The following DCLK1 variants were observed in gnomAD, a reference collection of about 807,000 sequenced individuals.
The protein encoded by DCLK1 is serine/threonine-protein kinase DCLK1.
In DCLK1, 16 loss-of-function variants were observed where a neutral mutation model predicts 86.2. The ratio of observed to expected loss-of-function variants is 0.19; its 90% CI spans 0.13 to 0.28. The LOEUF (loss-of-function observed/expected upper bound fraction) is 0.28. DCLK1 is among the 10% of genes least tolerant of loss of function. The probability of loss-of-function intolerance (pLI) is 1.00; values close to 1 mark genes in which losing one functional copy is unlikely to be tolerated. For missense variants in DCLK1, 590 were observed against 940.2 expected, an observed-to-expected ratio of 0.63 and a Z score of 4.87; for synonymous variants, 369 against 370.5, an observed-to-expected ratio of 1.00 and a Z score of 0.05.
intron 4 of DCLK1, among the ~76,000 whole-genome samples, chr13:35,934,010 G>A (rs866068133): frequency 6.6e-6 from 1 of 152,150 alleles, no homozygotes; most frequent in Non-Finnish European, 1.5e-5. Context: ...TTGATGCTTA[G>A]AAATTTCTTC....
intron 3 of DCLK1, among the ~76,000 whole-genome samples, chr13:35,948,554 C>T (rs982338490): frequency 1.3e-5 from 2 of 152,158 alleles, no homozygotes; most frequent in African/African-American, 4.8e-5. Context: ...GGACACATTA[C>T]ATGTGCTGTA....
chr13:35,923,161 A>T (rs371162388), intron 4 of DCLK1, among the ~76,000 whole-genome samples: 1 of 152,084 alleles, frequency 6.6e-6, no homozygotes, highest in Non-Finnish European at 1.5e-5. Context: ...AGCGGGAAAG[A>T]CCCCTGGGTG....
At position 36,116,362 on chromosome 13, in the gene DCLK1, G is replaced by A. The variant is rs73165326; in HGVS notation, c.377-4147C>T. ...TGAAGTTAATTCTACTTTGCCATTC[G>A]CTTCCATTATGAAATTAGAATATTT... On this transcript the variant is annotated intron_variant, in intron 2 of 16. Transcript: ENST00000360631. Among the ~76,000 whole-genome samples the A allele has an allele frequency of 1.4e-3, 205 of 150,218 alleles. 2 individuals are homozygous for A. The highest frequency in any genetic ancestry group is 2.4e-3 in the Non-Finnish European group (164 of 67,816).
At chr13:36,130,196 G>A (rs1315374790) in intron 1 of DCLK1, among the ~76,000 whole-genome samples, 1 of 152,122 alleles carries the variant, frequency 6.6e-6, no homozygotes, top group Non-Finnish European at 1.5e-5. Flanking sequence ...CTGCATCCAT[G>A]TGACATTTCA....
chr13:35,820,865 C>T (rs1390248178), intron 11 of DCLK1, among the ~76,000 whole-genome samples: 2 of 152,174 alleles, frequency 1.3e-5, no homozygotes, highest in African/African-American at 4.8e-5. Context: ...TTTTATTAGC[C>T]AGTAGCTACA....
chr13:35,830,045 A>G (rs192548018), intron 8 of DCLK1, among the ~76,000 whole-genome samples: 5 of 152,312 alleles, frequency 3.3e-5, no homozygotes, highest in East Asian at 1.9e-4. Flanking sequence ...ACTGTGGGGT[A>G]GAGGAGGAGA....
chr13:35,823,355 GCACACA>G (rs34702154), intron 10 of DCLK1, among the ~76,000 whole-genome samples: 10 of 147,860 alleles, frequency 6.8e-5, no homozygotes, highest in Admixed American at 3.4e-4. Flanking sequence ...TTATTAGGAT[GCACACA>G]CACACACACA....
At chr13:35,894,869 A>G (rs1873859291) in intron 4 of DCLK1, among the ~76,000 whole-genome samples, 1 of 152,206 alleles carries the variant, frequency 6.6e-6, no homozygotes, top group Admixed American at 6.5e-5. Flanking sequence ...GGCTGCTGTA[A>G]TGATGATTAA....
intron 3 of DCLK1, among the ~76,000 whole-genome samples, chr13:35,954,400 T>C (rs1203779573): frequency 6.6e-6 from 1 of 152,164 alleles, no homozygotes; most frequent in Non-Finnish European, 1.5e-5. Flanking sequence ...ATTCCATACT[T>C]GGCTTCTTCT....
intron 4 of DCLK1, among the ~76,000 whole-genome samples, chr13:35,915,539 A>T (rs1875355690): frequency 6.6e-6 from 1 of 152,138 alleles, no homozygotes; most frequent in South Asian, 2.1e-4. Flanking sequence ...CTTCTCTACT[A>T]AAAGAAAAAC....
chr13:36,103,360 C>T (rs1039732560), intron 3 of DCLK1, among the ~76,000 whole-genome samples: 4 of 147,270 alleles, frequency 2.7e-5, no homozygotes, highest in African/African-American at 1.0e-4. Context: ...GCTGAGACTG[C>T]ACCACTGCAT....
At chr13:35,849,445 T>A in intron 6 of DCLK1, 11 of 985,336 alleles carry the variant, frequency 1.1e-5, no homozygotes, top group Non-Finnish European at 1.3e-5. Flanking sequence ...CTGGAGAATA[T>A]CAAAACCATG....
intron 8 of DCLK1, among the ~76,000 whole-genome samples, chr13:35,829,562 AAG>A (rs1442426792): frequency 6.6e-6 from 1 of 152,218 alleles, no homozygotes; most frequent in Non-Finnish European, 1.5e-5. Context: ...TAAGCGAATC[AAG>A]AGACCAGGCG....
At position 35,872,779 on chromosome 13, in the gene DCLK1, T is replaced by A. The variant is rs955923876; in HGVS notation, c.824-1439A>T. 8.5e-5 allele frequency among the ~76,000 whole-genome samples: 13 copies of A among 152,288 alleles called. No individual in the cohort carries two copies. In the South Asian group the frequency reaches 1.9e-3, roughly 22 times the overall value. ...TCTTTCCCCTTCAATATCACTAACA[T>A]TTTTAATAGTGTAAGGACCTTACCA... On this transcript the variant is annotated intron_variant, in intron 4 of 16. Coordinates refer to ENST00000360631, the MANE Select transcript of DCLK1 (RefSeq NM_001330071.2).
chr13:35,822,687 T>C (rs1438181712), intron 11 of DCLK1, 42 bp downstream of exon 11: 2 of 1,611,698 alleles, frequency 1.2e-6, no homozygotes. Flanking sequence ...CCTTCATGAG[T>C]GCTTGGAACT....
In DCLK1 at chr13:36,089,814, T is replaced by C. The variant is rs1026154649; in HGVS notation, c.723+22055A>G. ...TTTGGTACAAGAGTGGCTCCAACAATAGCTAATGCGAAGTGTTGATGGCAC... is the reference window on the plus strand; with the variant it reads ...TTTGGTACAAGAGTGGCTCCAACAACAGCTAATGCGAAGTGTTGATGGCAC... On this transcript the variant is annotated intron_variant, in intron 3 of 16. Coordinates refer to ENST00000360631, the MANE Select transcript of DCLK1 (RefSeq NM_001330071.2). Among the ~76,000 whole-genome samples, 6 of 152,282 alleles carry C rather than the reference T, an allele frequency of 3.9e-5. No individual in the cohort carries two copies. In the South Asian group the frequency reaches 8.3e-4, roughly 21 times the overall value.
rs1593599637 is a variant in DCLK1 at position 35,797,777 on chromosome 13, G to A, written c.1945-4298C>T. ...AAGACTTAAACAATTGGCTTTGCAG[G>A]GCTCTAATCTGTACCTGCGCCATAC... On this transcript the variant is annotated intron_variant, in intron 15 of 16. Transcript: ENST00000360631. Among the ~76,000 whole-genome samples the A allele has an allele frequency of 1.3e-5, 2 of 151,924 alleles. 1 individual carries two copies. The highest frequency in any genetic ancestry group is 3.9e-4 in the East Asian group (2 of 5,188).
At chr13:36,042,294 G>A (rs907726913) in intron 3 of DCLK1, among the ~76,000 whole-genome samples, 2 of 152,222 alleles carry the variant, frequency 1.3e-5, no homozygotes, top group African/African-American at 4.8e-5. Flanking sequence ...ACAATATACA[G>A]TATGGATAAA....
intron 11 of DCLK1, among the ~76,000 whole-genome samples, chr13:35,818,963 G>C (rs981742471): frequency 5.9e-5 from 9 of 152,028 alleles, no homozygotes; most frequent in Non-Finnish European, 1.3e-4. Context: ...AGTTTACACT[G>C]AGGCCAGTGT....
Sources: gnomAD v4.1 joint callset for allele counts (sites outside exome capture counted in the v4.1 genomes callset) on GRCh38, gnomAD v4.1.1 for gene constraint, MANE v1.5 for transcripts, NCBI Gene and HGNC (gene_info 2026-07-23, HGNC 2026-07-21) for gene names.